The following DIS3L2 variants were observed in gnomAD, a reference collection of about 807,000 sequenced individuals.
DIS3L2 encodes the protein DIS3 like 3'-5' exoribonuclease 2.
DIS3L2 carries 34 observed loss-of-function variants against 97.5 expected under a neutral mutation model. The observed-to-expected ratio is 0.35, with a 90% CI of 0.27 to 0.46. DIS3L2 has a LOEUF of 0.46. Ranked by LOEUF, DIS3L2 falls within the 20% of genes least tolerant of loss-of-function variation. DIS3L2 has a pLI of 1.00. For synonymous variants in DIS3L2, 435 were observed against 445.2 expected (o/e 0.98, Z 0.29); for missense variants, 1,038 against 1,146.0 (o/e 0.91, Z 1.36).
intron 14 of DIS3L2, among the ~76,000 whole-genome samples, chr2:232,301,534 C>T (rs1694855369): frequency 6.6e-6 from 1 of 152,184 alleles, no homozygotes; most frequent in African/African-American, 2.4e-5. Context: ...TACCGGGTGC[C>T]CTCGTTACCA....
intron 14 of DIS3L2, among the ~76,000 whole-genome samples, chr2:232,303,465 G>A (rs1694914050): frequency 1.3e-5 from 2 of 152,204 alleles, no homozygotes; most frequent in Non-Finnish European, 2.9e-5. Context: ...AGATGAAAAA[G>A]CTAGCTTGAG....
chr2:232,136,759 A>C, intron 8 of DIS3L2, 40 bp downstream of exon 8: 1 of 1,604,214 alleles, frequency 6.2e-7, no homozygotes, highest in Admixed American at 1.7e-5. Context: ...GGTCACAGGC[A>C]GAACTCAGTT....
rs1360219220 is a variant in DIS3L2 at position 232,292,649 on chromosome 2, G to T, written c.1660-7391G>T. Reference sequence around the variant, plus strand: ...TAGGTCCAAAGGGGACCCAGTGGTAGTCTCATGCTCTGGCCGCCTGGAGCC... The same window carrying T: ...TAGGTCCAAAGGGGACCCAGTGGTATTCTCATGCTCTGGCCGCCTGGAGCC... On this transcript the variant is annotated intron_variant, in intron 13 of 20. Coordinates refer to ENST00000325385, the MANE Select transcript of DIS3L2 (RefSeq NM_152383.5). This position sits in a 1 kb window ranked among gnomAD's most constrained non-coding sequence, Gnocchi z 4.4. Among the ~76,000 whole-genome samples the T allele has an allele frequency of 6.6e-6, 1 of 152,210 alleles. No individual in the cohort carries two copies. The highest frequency in any genetic ancestry group is 1.5e-5 in the Non-Finnish European group (1 of 68,028).
intron 14 of DIS3L2, 112 bp downstream of exon 14, chr2:232,300,231 C>G (rs1231856950): frequency 6.5e-6 from 6 of 921,744 alleles, no homozygotes; most frequent in Admixed American, 6.3e-5. Context: ...AGGGAATACA[C>G]CTTTTACTAC....
intron 3 of DIS3L2, among the ~76,000 whole-genome samples, chr2:232,019,505 T>A (rs1694453314): frequency 6.6e-6 from 1 of 150,662 alleles, no homozygotes; most frequent in Non-Finnish European, 1.5e-5. Flanking sequence ...TAAGTCATGA[T>A]CATGCCATTG....
chr2:232,091,685 T>C (rs1271875343), intron 6 of DIS3L2, among the ~76,000 whole-genome samples: 1 of 152,192 alleles, frequency 6.6e-6, no homozygotes, highest in African/African-American at 2.4e-5. Flanking sequence ...GTGGGATTGC[T>C]GGTATGGTAG....
chr2:232,113,003 G>A (rs987218301), intron 6 of DIS3L2, among the ~76,000 whole-genome samples: 7 of 152,004 alleles, frequency 4.6e-5, no homozygotes, highest in Non-Finnish European at 8.8e-5. Context: ...AGTCTGGAAA[G>A]GAGGCTAGAA....
chr2:232,058,817 A>G (rs574031428), intron 5 of DIS3L2, among the ~76,000 whole-genome samples: 3 of 152,202 alleles, frequency 2.0e-5, no homozygotes, highest in Non-Finnish European at 4.4e-5. Flanking sequence ...GTTTCTACTG[A>G]TTGAAATCCT....
At chr2:232,096,763 T>G (rs1697028396) in intron 6 of DIS3L2, among the ~76,000 whole-genome samples, 1 of 152,192 alleles carries the variant, frequency 6.6e-6, no homozygotes, top group Non-Finnish European at 1.5e-5. Flanking sequence ...GATTTTCTGT[T>G]TGATTTTTTT....
intron 8 of DIS3L2, among the ~76,000 whole-genome samples, chr2:232,145,655 G>T (rs542536229): frequency 7.0e-4 from 106 of 152,152 alleles, no homozygotes; most frequent in Non-Finnish European, 6.3e-4. Flanking sequence ...TGCTAATGTG[G>T]CAGCTAATTA....
chr2:232,224,254 A>T (rs1692580626), intron 10 of DIS3L2, among the ~76,000 whole-genome samples: 1 of 152,210 alleles, frequency 6.6e-6, no homozygotes, highest in African/African-American at 2.4e-5. Flanking sequence ...TGAGGAAAAG[A>T]TGGTTTTATC....
intron 6 of DIS3L2, among the ~76,000 whole-genome samples, chr2:232,096,535 C>T (rs1344057413): frequency 2.6e-5 from 4 of 152,150 alleles, no homozygotes; most frequent in African/African-American, 9.7e-5. Context: ...TCTACCTCCT[C>T]TTTAAAGCCA....
chr2:232,147,005 A>G (rs186177160), intron 8 of DIS3L2, among the ~76,000 whole-genome samples: 68 of 152,310 alleles, frequency 4.5e-4, no homozygotes, highest in Non-Finnish European at 8.4e-4. Flanking sequence ...CATCTTCAAA[A>G]TTCTTTTTGT....
intron 6 of DIS3L2, 136 bp from the exon 7 acceptor site, chr2:232,130,483 C>T: frequency 1.0e-6 from 1 of 1,000,914 alleles, no homozygotes; most frequent in Non-Finnish European, 1.4e-6. Flanking sequence ...CCACTGGCGG[C>T]CTGGGGTTCT....
intron 5 of DIS3L2, among the ~76,000 whole-genome samples, chr2:232,048,598 G>A (rs1002067838): frequency 4.6e-5 from 7 of 152,030 alleles, no homozygotes; most frequent in South Asian, 2.1e-4. Flanking sequence ...CAGGTGTGGC[G>A]GGGTGCGCCT....
intron 14 of DIS3L2, among the ~76,000 whole-genome samples, chr2:232,304,007 G>C (rs995574347): frequency 6.6e-6 from 1 of 152,148 alleles, no homozygotes; most frequent in African/African-American, 2.4e-5. Flanking sequence ...AGAAGAAAGA[G>C]AGAAGCTGTC....
chr2:232,123,599 G>A (rs778139232), intron 6 of DIS3L2, among the ~76,000 whole-genome samples: 10 of 151,860 alleles, frequency 6.6e-5, no homozygotes, highest in South Asian at 2.1e-4. Flanking sequence ...TCCGTTAATC[G>A]TTATGGTGGG....
At chr2:232,311,745 T>G (rs1695140630) in intron 14 of DIS3L2, among the ~76,000 whole-genome samples, 1 of 152,210 alleles carries the variant, frequency 6.6e-6, no homozygotes, top group Non-Finnish European at 1.5e-5. Context: ...CCAGCTTTTC[T>G]CTTTCAGCAT....
intron 10 of DIS3L2, among the ~76,000 whole-genome samples, chr2:232,216,211 G>A (rs1216522821): frequency 1.3e-5 from 2 of 152,128 alleles, no homozygotes; most frequent in Non-Finnish European, 2.9e-5. Context: ...CAGAATGCTG[G>A]CTGCAACAGG....
Sources: allele counts gnomAD v4.1 joint callset (sites outside exome capture counted in the v4.1 genomes callset), GRCh38; gene constraint gnomAD v4.1.1; non-coding constraint Gnocchi (gnomAD v3.1); transcripts MANE v1.5; gene names NCBI Gene and HGNC (gene_info 2026-07-23, HGNC 2026-07-21).